CSMD1: variants seen among roughly 807,000 people sequenced by gnomAD.
The protein encoded by CSMD1 is CUB and sushi domain-containing protein 1.
A neutral mutation model predicts 417.5 loss-of-function variants in CSMD1; 213 were observed. The ratio of observed to expected loss-of-function variants is 0.51; its 90% CI spans 0.46 to 0.57. CSMD1 has a LOEUF of 0.57. Among genes scored for constraint, CSMD1 ranks in the 20% least tolerant of loss-of-function variants. The pLI is 0.00. For synonymous variants in CSMD1, 2,862 were observed against 1,736.8 expected (o/e 1.65, Z -16.11); for missense variants, 6,923 against 4,529.7 (o/e 1.53, Z -15.17).
At chr8:4,566,626 C>A (rs1798621561) in intron 2 of CSMD1, among the ~76,000 whole-genome samples, 1 of 135,860 alleles carries the variant, frequency 7.4e-6, no homozygotes, top group Non-Finnish European at 1.5e-5. Context: ...GCACTCCAGC[C>A]TGGGTGACAG....
chr8:4,936,614 C>G (rs1190127935), intron 1 of CSMD1, among the ~76,000 whole-genome samples: 1 of 152,118 alleles, frequency 6.6e-6, no homozygotes, highest in Non-Finnish European at 1.5e-5. Flanking sequence ...TATTTGTCAA[C>G]ACTAAATTAC....
At chr8:3,736,548 A>G (rs1796529555) in intron 6 of CSMD1, among the ~76,000 whole-genome samples, 3 of 152,114 alleles carry the variant, frequency 2.0e-5, no homozygotes, top group Non-Finnish European at 4.4e-5. Flanking sequence ...GTAGAATATC[A>G]TTTCCAGTGT....
At chr8:3,732,886 T>A (rs1430102451) in intron 6 of CSMD1, among the ~76,000 whole-genome samples, 1 of 152,124 alleles carries the variant, frequency 6.6e-6, no homozygotes, top group East Asian at 1.9e-4. Flanking sequence ...TATCTATCCA[T>A]CCATCTATCA....
chr8:4,528,930 C>G (rs539100682), intron 2 of CSMD1, among the ~76,000 whole-genome samples: 19 of 152,262 alleles, frequency 1.2e-4, no homozygotes, highest in African/African-American at 4.3e-4. Context: ...AAGGAGTCAT[C>G]TAAAATACCC....
At chr8:4,289,588 G>C (rs898367808) in intron 3 of CSMD1, among the ~76,000 whole-genome samples, 1 of 152,160 alleles carries the variant, frequency 6.6e-6, no homozygotes, top group Non-Finnish European at 1.5e-5. Flanking sequence ...GTCCAGGTCT[G>C]GCAGTGACGA....
chr8:4,301,941 C>T (rs1798001263), intron 3 of CSMD1, among the ~76,000 whole-genome samples: 1 of 152,188 alleles, frequency 6.6e-6, no homozygotes, highest in Non-Finnish European at 1.5e-5. Context: ...TCTTTTCAAA[C>T]TAATGCCTTA....
At chr8:4,195,420 A>T (rs1486909040) in intron 3 of CSMD1, among the ~76,000 whole-genome samples, 1 of 152,154 alleles carries the variant, frequency 6.6e-6, no homozygotes, top group Non-Finnish European at 1.5e-5. Context: ...CCGATGCAAG[A>T]CTGTGTCATG....
At chr8:3,354,850 C>T (rs2551039) in intron 21 of CSMD1, among the ~76,000 whole-genome samples, 109,153 of 135,010 alleles carry the variant, frequency 0.81, 41,942 homozygotes, top group South Asian at 0.9. Flanking sequence ...TACACTAAAC[C>T]CTCTCCCTAT....
At chr8:3,480,492 C>T (rs941328627) in intron 11 of CSMD1, among the ~76,000 whole-genome samples, 15 of 152,172 alleles carry the variant, frequency 9.9e-5, no homozygotes, top group African/African-American at 1.7e-4. Flanking sequence ...CAAAAGGAGA[C>T]GAGCTAGATG....
At chr8:4,404,759 A>C (rs189125549) in intron 3 of CSMD1, among the ~76,000 whole-genome samples, 10 of 152,286 alleles carry the variant, frequency 6.6e-5, no homozygotes, top group Non-Finnish European at 1.3e-4. Flanking sequence ...GGCACATATA[A>C]ATGAAAGTTG....
intron 12 of CSMD1, among the ~76,000 whole-genome samples, chr8:3,430,408 T>C (rs189443137): frequency 6.6e-6 from 1 of 152,188 alleles, no homozygotes; most frequent in Non-Finnish European, 1.5e-5. Flanking sequence ...TGTTTATTTT[T>C]TTAATGCTGA....
At chr8:4,643,828 CG>C (rs1330091797) in intron 1 of CSMD1, among the ~76,000 whole-genome samples, 4 of 152,112 alleles carry the variant, frequency 2.6e-5, no homozygotes, top group African/African-American at 9.7e-5. Flanking sequence ...AGTGCCGTTC[CG>C]GGGACTTCGA....
chr8:4,227,007 G>A (rs961215461), intron 3 of CSMD1, among the ~76,000 whole-genome samples: 5 of 152,000 alleles, frequency 3.3e-5, no homozygotes, highest in African/African-American at 2.4e-5. Flanking sequence ...GGTAAATCCC[G>A]TCATTATCTC....
At chr8:4,562,513 G>A (rs1457688540) in intron 2 of CSMD1, among the ~76,000 whole-genome samples, 2 of 152,170 alleles carry the variant, frequency 1.3e-5, no homozygotes, top group Non-Finnish European at 2.9e-5. Context: ...CCTGGAGTCA[G>A]TAAGAAAAGA....
intron 3 of CSMD1, among the ~76,000 whole-genome samples, chr8:4,221,877 C>A (rs367742235): frequency 6.6e-6 from 1 of 152,118 alleles, no homozygotes; most frequent in Admixed American, 6.5e-5. Context: ...TTAGAGAATT[C>A]TTAGCAGAGG....
intron 10 of CSMD1, among the ~76,000 whole-genome samples, chr8:3,507,837 A>T (rs772644139): frequency 2.0e-5 from 3 of 151,912 alleles, no homozygotes; most frequent in African/African-American, 4.8e-5. Context: ...TCCTTTGCCC[A>T]CTTTTTGATG....
intron 1 of CSMD1, among the ~76,000 whole-genome samples, chr8:4,819,798 G>A (rs368303183): frequency 1.2e-4 from 18 of 152,020 alleles, no homozygotes; most frequent in African/African-American, 4.1e-4. Flanking sequence ...GCTAAGGGTG[G>A]GGCTGTTTGG....
intron 8 of CSMD1, among the ~76,000 whole-genome samples, chr8:3,592,770 G>C (rs1387388143): frequency 6.6e-6 from 1 of 152,078 alleles, no homozygotes; most frequent in Non-Finnish European, 1.5e-5. Context: ...GAGGACTTTT[G>C]TCCTAGCACA....
chr8:4,913,485 G>A (rs78832970), intron 1 of CSMD1, among the ~76,000 whole-genome samples: 8,315 of 152,150 alleles, frequency 0.055, 327 homozygotes, highest in Middle Eastern at 0.15. Context: ...ATCAAATAGA[G>A]AATGAAAACT....
Sources: allele counts gnomAD v4.1 joint callset (sites outside exome capture counted in the v4.1 genomes callset), GRCh38; gene constraint gnomAD v4.1.1; transcripts MANE v1.5; gene names NCBI Gene and HGNC (gene_info 2026-07-23, HGNC 2026-07-21).